PPME1: variants seen among roughly 807,000 people sequenced by gnomAD.
PPME1 encodes testicular secretory protein Li 39.
In PPME1, 17 loss-of-function variants were observed where a neutral mutation model predicts 56.9. The ratio of observed to expected loss-of-function variants is 0.30; its 90% CI spans 0.20 to 0.45. PPME1 has a LOEUF of 0.45. PPME1 is among the 20% of genes least tolerant of loss of function. PPME1 has a pLI of 1.00. For missense variants in PPME1, 357 were observed against 483.2 expected (o/e 0.74, Z 2.45); for synonymous variants, 122 against 156.2 (o/e 0.78, Z 1.63).
At chr11:74,175,450 G>A (rs921133419) in intron 1 of PPME1, among the ~76,000 whole-genome samples, 1 of 151,874 alleles carries the variant, frequency 6.6e-6, no homozygotes, top group East Asian at 1.9e-4. Context: ...GTGGTGAGCC[G>A]AGATCGCGCC....
intron 11 of PPME1, chr11:74,248,890 G>C (rs2135681246): frequency 6.6e-6 from 1 of 152,294 alleles, no homozygotes; most frequent in South Asian, 2.1e-4. Context: ...CTTGGAATCA[G>C]ACAATCCTGG....
intron 4 of PPME1, 24 bp from the exon 5 acceptor site, chr11:74,225,181 A>T (rs888609742): frequency 2.0e-6 from 3 of 1,469,726 alleles, no homozygotes; most frequent in East Asian, 4.9e-5. Context: ...TGGGAATTTT[A>T]TTTTTAAAAT....
At chr11:74,174,672 A>T (rs1857364328) in intron 1 of PPME1, among the ~76,000 whole-genome samples, 1 of 152,186 alleles carries the variant, frequency 6.6e-6, no homozygotes. Context: ...TCAGTTTTTC[A>T]GATTAGATTT....
At chr11:74,202,534 G>C (rs1317087833) in intron 1 of PPME1, among the ~76,000 whole-genome samples, 1 of 152,108 alleles carries the variant, frequency 6.6e-6, no homozygotes, top group Non-Finnish European at 1.5e-5. Context: ...ATCATACTTT[G>C]TAGATATTCT....
At chr11:74,200,947 C>T (rs187242689) in intron 1 of PPME1, among the ~76,000 whole-genome samples, 4 of 151,958 alleles carry the variant, frequency 2.6e-5, no homozygotes, top group South Asian at 2.1e-4. Flanking sequence ...CAGTCTCTCC[C>T]GAGTGGCAGG....
At chr11:74,242,573 A>G (rs565032889) in intron 9 of PPME1, among the ~76,000 whole-genome samples, 15 of 152,110 alleles carry the variant, frequency 9.9e-5, no homozygotes, top group Admixed American at 2.6e-4. Context: ...TGTGTTGCCA[A>G]TTTCACAGCT....
intron 1 of PPME1, among the ~76,000 whole-genome samples, chr11:74,185,522 A>G (rs763203142): frequency 1.3e-5 from 2 of 152,050 alleles, no homozygotes; most frequent in Non-Finnish European, 2.9e-5. Context: ...AGGGTAAGCA[A>G]CTGCATTAGC....
At chr11:74,250,145 G>C (rs1859618450) in intron 11 of PPME1, 1 of 152,134 alleles carries the variant, frequency 6.6e-6, no homozygotes, top group Non-Finnish European at 1.5e-5. Context: ...ATGACCAGAA[G>C]AACTTTCAAG....
intron 3 of PPME1, among the ~76,000 whole-genome samples, chr11:74,210,454 C>T (rs1858442100): frequency 6.6e-6 from 1 of 152,106 alleles, no homozygotes; most frequent in African/African-American, 2.4e-5. Flanking sequence ...GGATATTTGG[C>T]CACTCTAAAT....
chr11:74,203,998 C>T (rs1219209002), intron 2 of PPME1, among the ~76,000 whole-genome samples, 177 bp downstream of exon 2: 1 of 152,052 alleles, frequency 6.6e-6, no homozygotes, highest in Non-Finnish European at 1.5e-5. Flanking sequence ...GGCTGTAATT[C>T]TCTAATGCAT....
intron 1 of PPME1, among the ~76,000 whole-genome samples, chr11:74,175,595 G>A (rs1857383343): frequency 6.6e-6 from 1 of 151,758 alleles, no homozygotes. Flanking sequence ...TGCCCAGGCT[G>A]AAGTACAGTG....
At chr11:74,250,883 A>G (rs978761505) in intron 11 of PPME1, 71 bp from the exon 12 acceptor site, 2 of 1,351,722 alleles carry the variant, frequency 1.5e-6, no homozygotes, top group African/African-American at 1.5e-5. Context: ...GGCTCCTGGA[A>G]TGACCTATGA....
chr11:74,187,126 A>G (rs1166292011), intron 1 of PPME1, among the ~76,000 whole-genome samples: 1 of 152,210 alleles, frequency 6.6e-6, no homozygotes, highest in African/African-American at 2.4e-5. Flanking sequence ...GTATACTGGT[A>G]CTACACTGTC....
rs17310514 is a variant in PPME1, at chr11:74,171,615, C to T, written c.101+93C>T. ...GTTCATAGAGGCACGGGAAAGGAGT[C>T]TACTGATAGGAGAAAATGTTGGCGG... On this transcript the variant is annotated intron_variant, in intron 1 of 13. Transcript: ENST00000328257. The T allele has an allele frequency of 9.2e-3, 13,068 of 1,422,084 alleles. 82 individuals are homozygous for T. Among genetic ancestry groups the T allele is most frequent in the Non-Finnish European group, 0.011 (11,457 of 1,068,748 alleles). The allele number at this position is 1,422,084 out of a possible 1,614,324, so 88.1% of individuals were successfully genotyped here. A position where few individuals can be genotyped will look rare whatever the true frequency, so the allele number is the denominator to read the frequency against.
At chr11:74,175,499 C>T (rs1857380860) in intron 1 of PPME1, among the ~76,000 whole-genome samples, 1 of 150,174 alleles carries the variant, frequency 6.7e-6, no homozygotes. Flanking sequence ...GAAACTCCAT[C>T]TCAAAAAAAA....
At chr11:74,251,525 C>G in intron 12 of PPME1, 123 bp from the exon 13 acceptor site, 1 of 1,481,692 alleles carries the variant, frequency 6.7e-7, no homozygotes, top group Non-Finnish European at 8.9e-7. Context: ...AATTTCAAGC[C>G]ACTCAGACCT....
At chr11:74,213,998 C>T (rs1211240117) in intron 3 of PPME1, among the ~76,000 whole-genome samples, 3 of 152,214 alleles carry the variant, frequency 2.0e-5, no homozygotes, top group Non-Finnish European at 4.4e-5. Flanking sequence ...CTAAATAAGG[C>T]ACCAGTGACC....
At chr11:74,234,191 C>A (rs1859136917) in intron 7 of PPME1, among the ~76,000 whole-genome samples, 1 of 151,938 alleles carries the variant, frequency 6.6e-6, no homozygotes, top group Non-Finnish European at 1.5e-5. Context: ...GATATGGGAG[C>A]AAATAAGGGG....
At chr11:74,251,243 A>G in intron 12 of PPME1, 2 of 1,393,190 alleles carry the variant, frequency 1.4e-6, no homozygotes, top group South Asian at 1.8e-5. Flanking sequence ...ATTTCATCCC[A>G]GGGCCCTGTG....
Sources: gnomAD v4.1 joint callset for allele counts (sites outside exome capture counted in the v4.1 genomes callset) on GRCh38, gnomAD v4.1.1 for gene constraint, MANE v1.5 for transcripts, NCBI Gene and HGNC (gene_info 2026-07-23, HGNC 2026-07-21) for gene names.